RPL24: variants seen among roughly 807,000 people sequenced by gnomAD.
RPL24 encodes ribosomal protein L24, also known as large ribosomal subunit protein eL24.
A neutral mutation model predicts 26.4 loss-of-function variants in RPL24; 7 were observed. The ratio of observed to expected loss-of-function variants is 0.27; its 90% CI spans 0.15 to 0.50. The LOEUF (loss-of-function observed/expected upper bound fraction) is 0.50, where lower values mean the gene tolerates loss of function less well. Among genes scored for constraint, RPL24 ranks in the 20% least tolerant of loss-of-function variants. The pLI is 0.98. For missense variants in RPL24, 109 were observed against 194.9 expected, an observed-to-expected ratio of 0.56 and a Z score of 2.62; for synonymous variants, 67 against 65.2, an observed-to-expected ratio of 1.03 and a Z score of -0.13.
chr3:101,686,291 C>T, intron 2 of RPL24, 191 bp downstream of exon 2: 1 of 599,828 alleles, frequency 1.7e-6, no homozygotes, highest in South Asian at 2.1e-5. Context: ...TGATGTCCGA[C>T]CTGGCTCACA....
Position 101,685,924 on chromosome 3 carries a change from A to C in RPL24, c.86T>G (p.Phe29Cys). Residue 29 changes from phenylalanine (F) to cysteine (C), a missense_variant, in exon 3 of 6, where the codon TTC becomes TGC. By Grantham distance (205) the Phe-to-Cys change is radical. Coordinates refer to ENST00000394077, the MANE Select transcript of RPL24 (RefSeq NM_000986.4). ...RRYARTDGKV[F>C]QFLNAKCESA... is the part of the protein sequence containing the mutation. Reference sequence around the variant, plus strand: ...CTCGCATTTCGCATTAAGAAACTGGAAAACCTAGAGTGACAAATGCAAAGG... The same window carrying C: ...CTCGCATTTCGCATTAAGAAACTGGCAAACCTAGAGTGACAAATGCAAAGG... 6.2e-7 allele frequency: 1 copy of C among 1,606,228 alleles called. No individual in the cohort carries two copies. The highest frequency in any genetic ancestry group is 8.5e-7 in the Non-Finnish European group (1 of 1,172,754).
intron 2 of RPL24, chr3:101,686,281 T>G: frequency 1.7e-6 from 1 of 597,116 alleles, no homozygotes; most frequent in Non-Finnish European, 3.0e-6. Flanking sequence ...AAACCCCTCC[T>G]GATGTCCGAC....
At chr3:101,686,643 G>C (rs754309616) in intron 1 of RPL24, 29 bp downstream of exon 1, 1 of 1,614,248 alleles carries the variant, frequency 6.2e-7, no homozygotes, top group South Asian at 1.1e-5. Context: ...GAGGATGTAA[G>C]CGGATTGGGA....
chr3:101,685,975 C>T (rs1026607454), intron 2 of RPL24, 47 bp from the exon 3 acceptor site: 5 of 1,220,432 alleles, frequency 4.1e-6, no homozygotes, highest in Admixed American at 1.7e-5. Flanking sequence ...ATACAAAGTA[C>T]AAGAGGCTGA....
chr3:101,686,365 C>T, intron 2 of RPL24, 117 bp downstream of exon 2: 2 of 794,080 alleles, frequency 2.5e-6, no homozygotes, highest in Non-Finnish European at 4.0e-6. Flanking sequence ...ACAGAGCGTC[C>T]ACGAAGACTT....
chr3:101,685,949 G>A (rs751070567), intron 2 of RPL24, 21 bp from the exon 3 acceptor site: 1 of 1,459,766 alleles, frequency 6.9e-7, no homozygotes, highest in Non-Finnish European at 9.6e-7. Flanking sequence ...AAATGCAAAG[G>A]AATTACTATT....
rs1576658179 is a variant in RPL24 at position 101,682,752 on chromosome 3, T to C, written c.329+19A>G. On this transcript the variant is annotated intron_variant, in intron 4 of 5. Coordinates refer to ENST00000394077, the MANE Select transcript of RPL24 (RefSeq NM_000986.4). ...TCCATCCGAATAGGTAAAATGCTCA[T>C]AATGAAAGCATTCCTCACCTGATAG... is the stretch of plus-strand genomic sequence containing the variant. 6.2e-7 allele frequency: 1 copy of C among 1,609,958 alleles called. No homozygotes were observed. Among genetic ancestry groups the C allele is most frequent in the Non-Finnish European group, 8.5e-7 (1 of 1,178,402 alleles).
chr3:101,682,797 T>C lies in RPL24; in HGVS notation c.303A>G (p.Arg101=). Residue 101 remains arginine (R), a synonymous_variant, in exon 4 of 6, where the codon AGA becomes AGG. Coordinates refer to ENST00000394077, the MANE Select transcript of RPL24 (RefSeq NM_000986.4). ...MAKRNQKPEV[R]KAQREQAIRA... is the part of the protein sequence containing the mutation. ...TGATAGCTTGTTCTCGTTGAGCCTTTCTAACTTCAGGTTTCTGATTCCTCT... is the reference window on the plus strand; with the variant it reads ...TGATAGCTTGTTCTCGTTGAGCCTTCCTAACTTCAGGTTTCTGATTCCTCT... 3 of 1,613,288 alleles carry C rather than the reference T, an allele frequency of 1.9e-6. No individual in the cohort carries two copies. The highest frequency in any genetic ancestry group is 2.5e-6 in the Non-Finnish European group (3 of 1,179,846).
At chr3:101,685,952 T>C in intron 2 of RPL24, 24 bp from the exon 3 acceptor site, 1 of 1,448,256 alleles carries the variant, frequency 6.9e-7, no homozygotes, top group African/African-American at 1.4e-5. Flanking sequence ...TGCAAAGGAA[T>C]TACTATTTAA....
At chr3:101,684,798 A>C (rs1937312297) in intron 3 of RPL24, among the ~76,000 whole-genome samples, 2 of 148,788 alleles carry the variant, frequency 1.3e-5, no homozygotes, top group South Asian at 4.3e-4. Context: ...AAAAAAAAAA[A>C]AAAAAAAAAA....
rs751870673 is a variant in RPL24, at chr3:101,681,242, C to G, written c.394-27G>C. ...TGTAAAAAGATAACACAATATTACT[C>G]CACAAAACTTTTGTTACCCTATTAT... On this transcript the variant is annotated intron_variant, in intron 5 of 5. Transcript: ENST00000394077. The G allele has an allele frequency of 1.5e-5, 23 of 1,542,012 alleles. No homozygotes were observed. The African/African-American group carries it at 2.9e-4, about 19-fold the overall frequency.
At chr3:101,685,724 A>G in intron 3 of RPL24, 94 bp downstream of exon 3, 1 of 645,716 alleles carries the variant, frequency 1.5e-6, no homozygotes, top group Non-Finnish European at 2.8e-6. Flanking sequence ...TTTCGCATAC[A>G]GTCTGATTTA....
intron 5 of RPL24, 143 bp downstream of exon 5, chr3:101,682,286 A>C (rs955236924): frequency 1.4e-6 from 1 of 697,294 alleles, no homozygotes; most frequent in Non-Finnish European, 2.6e-6. Flanking sequence ...GTATCACTTG[A>C]ACCCGGGAGG....
intron 2 of RPL24, 52 bp downstream of exon 2, chr3:101,686,430 C>T: frequency 6.5e-7 from 1 of 1,527,752 alleles, no homozygotes; most frequent in Non-Finnish European, 9.0e-7. Flanking sequence ...ATTAAACCAG[C>T]CTTTCCTCCT....
intron 3 of RPL24, among the ~76,000 whole-genome samples, 165 bp downstream of exon 3, chr3:101,685,653 T>C (rs997181116): frequency 3.3e-5 from 5 of 152,232 alleles, no homozygotes; most frequent in Admixed American, 1.3e-4. Context: ...TAGCCTAAAA[T>C]ATATAGAGAC....
Position 101,685,928 on chromosome 3 carries a change from C to G in RPL24, c.82G>C (p.Val28Leu). The change falls in exon 3 of 6, where the codon GTT becomes CTT. Residue 28 changes from valine to leucine, a missense_variant and splice_region_variant. Coordinates refer to ENST00000394077, the MANE Select transcript of RPL24 (RefSeq NM_000986.4). ...GRRYARTDGKVFQFLNAKCES... is the reference protein window; with the variant it reads ...GRRYARTDGKLFQFLNAKCES... The stretch of plus-strand genomic sequence containing the variant: ...CATTTCGCATTAAGAAACTGGAAAA[C>G]CTAGAGTGACAAATGCAAAGGAATT... The G allele has an allele frequency of 6.3e-7, 1 of 1,593,956 alleles. No homozygotes were observed. The highest frequency in any genetic ancestry group is 1.7e-5 in the Admixed American group (1 of 59,948).
intron 5 of RPL24, chr3:101,682,212 A>G (rs1045597765): frequency 2.0e-6 from 1 of 510,708 alleles, no homozygotes; most frequent in African/African-American, 1.9e-5. Context: ...CAAACAAACA[A>G]AAAATCAGCC....
chr3:101,684,753 G>A (rs1302038107), intron 3 of RPL24, among the ~76,000 whole-genome samples: 1 of 99,802 alleles, frequency 1.0e-5, no homozygotes, highest in East Asian at 3.4e-4. Context: ...TCTCCAGCCT[G>A]AGCAACAGAG....
chr3:101,685,391 C>G (rs928668232), intron 3 of RPL24, among the ~76,000 whole-genome samples: 1 of 152,172 alleles, frequency 6.6e-6, no homozygotes, highest in Non-Finnish European at 1.5e-5. Flanking sequence ...ATGTATAACC[C>G]AGCTAAAAGG....
Sources: allele counts gnomAD v4.1 joint callset (sites outside exome capture counted in the v4.1 genomes callset), GRCh38; gene constraint gnomAD v4.1.1; transcripts MANE v1.5; gene names NCBI Gene and HGNC (gene_info 2026-07-23, HGNC 2026-07-21).